ZNF365: variants seen among roughly 807,000 people sequenced by gnomAD.
ZNF365 encodes the protein protein ZNF365.
A neutral mutation model predicts 35.0 loss-of-function variants in ZNF365; 22 were observed. The ratio of observed to expected loss-of-function variants is 0.63; its 90% CI spans 0.45 to 0.90. The LOEUF (loss-of-function observed/expected upper bound fraction) is 0.90, where lower values mean the gene tolerates loss of function less well. Among genes scored for constraint, ZNF365 ranks in the 40% least tolerant of loss-of-function variants. The probability of loss-of-function intolerance (pLI) is 0.00; values close to 1 mark genes in which losing one functional copy is unlikely to be tolerated. For missense variants in ZNF365, 448 were observed against 500.3 expected (o/e 0.90, Z 1.00); for synonymous variants, 188 against 196.2 (o/e 0.96, Z 0.35).
chr10:62,463,514 T>A (rs1467829112), intron 4 of ZNF365, among the ~76,000 whole-genome samples: 4 of 152,238 alleles, frequency 2.6e-5, no homozygotes, highest in East Asian at 1.9e-4. Flanking sequence ...GGGACAAATA[T>A]GTGCGGCTTT....
rs752182341 is a variant in ZNF365 at position 62,399,707 on chromosome 10, A to T, written c.1142A>T (p.Glu381Val). ...CTCTGCAGACCTCCAAAGAAAGGGG[A>T]GCTCCTGGGGTTTGGCCGCAAAGGC... ...RDLCRPPKKG[E>V]LLGFGRKGNI... Residue 381 changes from glutamate to valine, a missense_variant, in exon 5 of 5, where the codon GAG becomes GTG. This residue lies in a region of ZNF365 where 362 missense variants were observed against 375.7 expected (regional missense o/e 0.96). Coordinates refer to ENST00000395254, the MANE Select transcript of ZNF365 (RefSeq NM_014951.3). 2.5e-6 allele frequency: 4 copies of T among 1,613,992 alleles called. No homozygotes were observed. Among genetic ancestry groups the T allele is most frequent in the Non-Finnish European group, 3.4e-6 (4 of 1,180,028 alleles).
At chr10:62,444,036 G>A (rs552318104) in intron 3 of ZNF365, among the ~76,000 whole-genome samples, 1 of 152,286 alleles carries the variant, frequency 6.6e-6, no homozygotes, top group Non-Finnish European at 1.5e-5. Context: ...ATATTATCAA[G>A]GATTAGGCAA....
chr10:62,378,236 A>G (rs916211068), intron 2 of ZNF365, among the ~76,000 whole-genome samples: 3 of 152,220 alleles, frequency 2.0e-5, no homozygotes, highest in African/African-American at 7.2e-5. Flanking sequence ...GTGCTGTTGA[A>G]AAAAGGGCAG....
intron 4 of ZNF365, among the ~76,000 whole-genome samples, chr10:62,475,886 A>C (rs574601869): frequency 1.3e-5 from 2 of 152,268 alleles, no homozygotes; most frequent in African/African-American, 2.4e-5. Flanking sequence ...ATTTTCTAGA[A>C]AGTTAGCAGA....
chr10:62,466,863 A>G (rs1840952132), intron 4 of ZNF365, among the ~76,000 whole-genome samples: 1 of 152,072 alleles, frequency 6.6e-6, no homozygotes, highest in Admixed American at 6.5e-5. Context: ...GTATAGTGGT[A>G]TGATCACGGC....
At chr10:62,461,288 G>A (rs1051572029) in intron 4 of ZNF365, among the ~76,000 whole-genome samples, 2 of 152,238 alleles carry the variant, frequency 1.3e-5, no homozygotes, top group Non-Finnish European at 2.9e-5. Flanking sequence ...AGCGCTGGAG[G>A]AGCTGGTAAA....
exon 5 of ZNF365, chr10:62,480,052 A>C: frequency 7.2e-7 from 1 of 1,390,386 alleles, no homozygotes; most frequent in Non-Finnish European, 9.5e-7. Context: ...TGGTGACTTT[A>C]CTCACCAGGA....
chr10:62,475,299 T>C (rs1010940161), intron 4 of ZNF365, among the ~76,000 whole-genome samples: 1 of 152,222 alleles, frequency 6.6e-6, no homozygotes, highest in Admixed American at 6.5e-5. Flanking sequence ...GGCATGTACC[T>C]ATAGTCCCAT....
At chr10:62,398,461 C>T (rs1245912869) in intron 3 of ZNF365, among the ~76,000 whole-genome samples, 1 of 152,078 alleles carries the variant, frequency 6.6e-6, no homozygotes, top group African/African-American at 2.4e-5. Context: ...TACTGGGGGG[C>T]TCTTTTGCGT....
At chr10:62,436,380 G>A (rs1365074795) in intron 3 of ZNF365, among the ~76,000 whole-genome samples, 1 of 143,274 alleles carries the variant, frequency 7.0e-6, no homozygotes, top group Non-Finnish European at 1.5e-5. Flanking sequence ...AGAGGGTACA[G>A]GGAATCATTC....
At chr10:62,459,919 C>T (rs1033671138) in intron 4 of ZNF365, 46 of 783,590 alleles carry the variant, frequency 5.9e-5, no homozygotes, top group Non-Finnish European at 8.9e-5. Flanking sequence ...TGAAAACACA[C>T]ATTTTCACAT....
intron 3 of ZNF365, among the ~76,000 whole-genome samples, chr10:62,446,370 C>T (rs1297718756): frequency 6.6e-6 from 1 of 152,080 alleles, no homozygotes; most frequent in African/African-American, 2.4e-5. Flanking sequence ...TCTGTATGCC[C>T]CAATTTGTTC....
At chr10:62,457,062 T>TG (rs1315177208) in intron 3 of ZNF365, among the ~76,000 whole-genome samples, 1 of 152,176 alleles carries the variant, frequency 6.6e-6, no homozygotes, top group African/African-American at 2.4e-5. Context: ...GCTTCTGGGC[T>TG]AGTGTAGCTC....
At chr10:62,441,185 T>C (rs1589455358) in intron 3 of ZNF365, among the ~76,000 whole-genome samples, 1 of 152,214 alleles carries the variant, frequency 6.6e-6, no homozygotes, top group South Asian at 2.1e-4. Flanking sequence ...GTTAAATTGC[T>C]TGGCTAAGGT....
chr10:62,378,068 T>A (rs1171979196), intron 2 of ZNF365, among the ~76,000 whole-genome samples: 1 of 152,252 alleles, frequency 6.6e-6, no homozygotes, highest in Non-Finnish European at 1.5e-5. Flanking sequence ...AGACATTTTT[T>A]AAATTACGTA....
chr10:62,399,629 C>A lies in ZNF365; in HGVS notation c.1064C>A (p.Ala355Asp), dbSNP rs1839791214. Reference protein sequence around the residue: ...NHLKKAKDDRASMQPAKAIHE... With the variant: ...NHLKKAKDDRDSMQPAKAIHE... ...CTGAAAAAGGCCAAGGATGACAGAG[C>A]CAGCATGCAGCCTGCCAAGGCCATT... is the stretch of plus-strand genomic sequence containing the variant. The change falls in exon 5 of 5, where the codon GCC (alanine) becomes GAC (aspartate). Residue 355 changes from alanine (A) to aspartate (D), a missense_variant. Ala to Asp is a moderately radical substitution (Grantham distance 126, BLOSUM62 -2). Transcript: ENST00000395254. 2 of 1,614,180 alleles carry A rather than the reference C, an allele frequency of 1.2e-6. No homozygotes were observed. The highest frequency in any genetic ancestry group is 2.7e-5 in the African/African-American group (2 of 75,052).
chr10:62,388,568 G>C lies in ZNF365; in HGVS notation c.916G>C (p.Gly306Arg). The C allele has an allele frequency of 6.2e-7, 1 of 1,613,758 alleles. No homozygotes were observed. The highest frequency in any genetic ancestry group is 8.5e-7 in the Non-Finnish European group (1 of 1,180,008). Residue 306 changes from glycine (G) to arginine (R), a missense_variant, in exon 3 of 5, where the codon GGG (glycine) becomes CGG (arginine). Around this residue, in one of 3 missense-constraint regions of ZNF365, gnomAD observed 362 missense variants for 375.7 expected, o/e 0.96. Coordinates refer to ENST00000395254, the MANE Select transcript of ZNF365 (RefSeq NM_014951.3). ...QASGFVRDLS[G>R]HVLTDISSNR... ...CTCTGGCTTTGTCCGTGATCTCAGC[G>C]GGCACGTGGTGAGTCACCCCGGGCC...
intron 3 of ZNF365, among the ~76,000 whole-genome samples, chr10:62,425,415 A>C (rs550592098): frequency 1.8e-4 from 28 of 152,326 alleles, no homozygotes; most frequent in African/African-American, 5.8e-4. Context: ...TAGGCAAGGG[A>C]TGATTTCTTT....
chr10:62,444,838 A>T (rs1840558849), intron 3 of ZNF365, among the ~76,000 whole-genome samples: 1 of 152,012 alleles, frequency 6.6e-6, no homozygotes, highest in Non-Finnish European at 1.5e-5. Flanking sequence ...GGTCAGTTAC[A>T]TATGTATACA....
Sources: gnomAD v4.1 joint callset for allele counts (sites outside exome capture counted in the v4.1 genomes callset) on GRCh38, gnomAD v4.1.1 for gene constraint, gnomAD v4.1.1 regional missense constraint, MANE v1.5 for transcripts, NCBI Gene and HGNC (gene_info 2026-07-23, HGNC 2026-07-21) for gene names.